M1AP: variants seen among roughly 807,000 people sequenced by gnomAD.
The protein encoded by M1AP is meiosis 1 associated protein, also known as meiosis 1 arrest protein.
A neutral mutation model predicts 51.2 loss-of-function variants in M1AP; 39 were observed. The ratio of observed to expected loss-of-function variants is 0.76; its 90% confidence interval spans 0.59 to 1.00. The LOEUF (loss-of-function observed/expected upper bound fraction) is 1.00. Ranked by LOEUF, M1AP falls within the 50% of genes least tolerant of loss-of-function variation. The pLI, the probability that M1AP is intolerant of heterozygous loss-of-function variation, is 0.00. For synonymous variants in M1AP, 251 were observed against 249.2 expected (o/e 1.01, Z -0.07); for missense variants, 545 against 641.2 (o/e 0.85, Z 1.62).
chr2:74,606,229 A>G (rs547498434), intron 4 of M1AP, among the ~76,000 whole-genome samples: 3 of 152,264 alleles, frequency 2.0e-5, no homozygotes, highest in African/African-American at 7.2e-5. Flanking sequence ...TCAAAGATAA[A>G]ATTATTAAGA....
intron 1 of M1AP, among the ~76,000 whole-genome samples, chr2:74,642,491 A>T (rs923212327): frequency 6.6e-6 from 1 of 152,266 alleles, no homozygotes; most frequent in African/African-American, 2.4e-5. Flanking sequence ...CTGACAAAAT[A>T]TATTTACAAA....
intron 4 of M1AP, among the ~76,000 whole-genome samples, chr2:74,596,055 G>A (rs1036779732): frequency 2.0e-5 from 3 of 152,152 alleles, no homozygotes; most frequent in Non-Finnish European, 4.4e-5. Context: ...AAGCAGGAAA[G>A]CAAGGAAGAA....
At chr2:74,587,709 C>T (rs363685) in intron 4 of M1AP, among the ~76,000 whole-genome samples, 12,687 of 152,082 alleles carry the variant, frequency 0.083, 1,489 homozygotes, top group African/African-American at 0.26. Flanking sequence ...ACTAGATGAA[C>T]GGGTCACACC....
chr2:74,581,834 C>A lies in M1AP; in HGVS notation c.609G>T (p.Leu203=). 1 of 1,612,016 alleles carries A rather than the reference C, an allele frequency of 6.2e-7. No individual in the cohort carries two copies. The highest frequency in any genetic ancestry group is 8.5e-7 in the Non-Finnish European group (1 of 1,178,702). Residue 203 remains leucine (L), a synonymous_variant, in exon 5 of 11, where the codon CTG becomes CTT. Transcript: ENST00000421985. The stretch of plus-strand genomic sequence containing the variant: ...TAGTCTGAAGGTCAATGTCAGTTCC[C>A]AGAATAGAACTCTCTGCAAAAGAAA... ...EDTSNDESSI[L]GTDIDLQTID... is the part of the protein sequence containing the mutation.
chr2:74,559,318 T>C (rs906625077), intron 10 of M1AP, among the ~76,000 whole-genome samples: 1 of 152,078 alleles, frequency 6.6e-6, no homozygotes, highest in Non-Finnish European at 1.5e-5. Context: ...CTACCACTCC[T>C]GGCTAATTTT....
At chr2:74,624,801 G>A (rs766898192) in intron 2 of M1AP, among the ~76,000 whole-genome samples, 4 of 152,116 alleles carry the variant, frequency 2.6e-5, no homozygotes, top group Non-Finnish European at 5.9e-5. Flanking sequence ...TCATTATAGA[G>A]TATTCCATTA....
chr2:74,570,206 A>G (rs1434082834), intron 7 of M1AP, among the ~76,000 whole-genome samples: 2 of 152,158 alleles, frequency 1.3e-5, no homozygotes, highest in African/African-American at 2.4e-5. Flanking sequence ...CTAAGTTCAC[A>G]CAGTCGGGAA....
intron 2 of M1AP, chr2:74,620,746 T>C (rs114462336): frequency 0.011 from 2,338 of 213,200 alleles, 68 homozygotes; most frequent in African/African-American, 0.051. Flanking sequence ...GGTGGAGAGT[T>C]ACTCTTCAGG....
rs1409573955 is a variant in M1AP at position 74,611,896 on chromosome 2, T to TTG, written c.426+3067_426+3068insCA. On this transcript the variant is annotated intron_variant, in intron 3 of 10. Transcript: ENST00000421985. ...AACAAAAAAGTGTTTTTTTTTTTTT[T>TTG]TTTTTTTTTTTTTTTGAGACAGTGT... 2.9e-3 allele frequency among the ~76,000 whole-genome samples: 242 copies of TTG among 83,044 alleles called. 6 individuals are homozygous for TTG. Among genetic ancestry groups the TTG allele is most frequent in the Non-Finnish European group, 4.7e-3 (191 of 40,550 alleles). The allele number at this position is 83,044 out of a possible 152,430, so 54.5% of individuals were successfully genotyped here.
intron 4 of M1AP, among the ~76,000 whole-genome samples, chr2:74,590,612 A>G (rs552896743): frequency 1.2e-4 from 18 of 152,140 alleles, no homozygotes; most frequent in Non-Finnish European, 2.2e-4. Flanking sequence ...CCTTTTTATA[A>G]TCTTTTTCTT....
intron 1 of M1AP, among the ~76,000 whole-genome samples, chr2:74,646,423 T>C (rs1215466359): frequency 1.3e-5 from 2 of 152,310 alleles, no homozygotes; most frequent in Middle Eastern, 3.4e-3. Context: ...CAGAGGAATT[T>C]AGTGAAGGCA....
chr2:74,559,809 A>T, intron 9 of M1AP, 100 bp from the exon 10 acceptor site: 1 of 701,378 alleles, frequency 1.4e-6, no homozygotes, highest in Non-Finnish European at 2.7e-6. Flanking sequence ...TCCCTTGGGC[A>T]TTTCTTTTCC....
At chr2:74,609,672 A>G (rs1681215572) in intron 3 of M1AP, among the ~76,000 whole-genome samples, 1 of 152,172 alleles carries the variant, frequency 6.6e-6, no homozygotes, top group Admixed American at 6.5e-5. Flanking sequence ...TTGCATTCTT[A>G]CCAAAAATGT....
chr2:74,565,227 A>G (rs1262598166), intron 7 of M1AP, among the ~76,000 whole-genome samples: 1 of 152,132 alleles, frequency 6.6e-6, no homozygotes, highest in African/African-American at 2.4e-5. Flanking sequence ...CATCTCAAAA[A>G]AAAAAAAAGA....
intron 6 of M1AP, 78 bp downstream of exon 6, chr2:74,576,378 T>A: frequency 7.0e-7 from 1 of 1,426,452 alleles, no homozygotes; most frequent in South Asian, 1.2e-5. Context: ...AGAGATACCA[T>A]CTATCTCTGG....
At chr2:74,577,524 A>C (rs940750007) in intron 5 of M1AP, among the ~76,000 whole-genome samples, 20 of 152,248 alleles carry the variant, frequency 1.3e-4, no homozygotes, top group African/African-American at 4.6e-4. Flanking sequence ...TGACTTGTGA[A>C]ATGACTGTAC....
chr2:74,571,481 G>C (rs572017889), intron 7 of M1AP, among the ~76,000 whole-genome samples: 1 of 152,044 alleles, frequency 6.6e-6, no homozygotes, highest in Non-Finnish European at 1.5e-5. Flanking sequence ...GTATATGAAA[G>C]AATAAAAAAC....
At chr2:74,578,950 T>C (rs951361836) in intron 5 of M1AP, among the ~76,000 whole-genome samples, 2 of 126,754 alleles carry the variant, frequency 1.6e-5, no homozygotes, top group Non-Finnish European at 3.0e-5. Context: ...ATCTTTATTG[T>C]GTTTAAAATC....
chr2:74,577,777 G>A (rs1449105115), intron 5 of M1AP, among the ~76,000 whole-genome samples: 1 of 152,200 alleles, frequency 6.6e-6, no homozygotes, highest in African/African-American at 2.4e-5. Flanking sequence ...TTTCCTCTGT[G>A]CCTGACTTCT....
Sources: allele counts gnomAD v4.1 joint callset (sites outside exome capture counted in the v4.1 genomes callset), GRCh38; gene constraint gnomAD v4.1.1; transcripts MANE v1.5; gene names NCBI Gene and HGNC (gene_info 2026-07-23, HGNC 2026-07-21).